The following CUX1 variants were observed in gnomAD, a reference collection of about 807,000 sequenced individuals.
CUX1 encodes the protein cut like homeobox 1, also known as protein CASP.
Under a neutral mutation model 158.8 loss-of-function variants are expected in CUX1, and 31 were observed. That is an observed-to-expected ratio of 0.20 (90% confidence interval 0.15 to 0.26). The LOEUF is 0.26. CUX1 is among the 10% of genes least tolerant of loss of function. CUX1 has a pLI of 1.00. For missense variants in CUX1, 1,589 were observed against 2,014.6 expected, an observed-to-expected ratio of 0.79 and a Z score of 4.04; for synonymous variants, 879 against 862.1, an observed-to-expected ratio of 1.02 and a Z score of -0.34.
At chr7:101,825,751 A>ATC (rs1244447631) in intron 1 of CUX1, among the ~76,000 whole-genome samples, 9 of 110,726 alleles carry the variant, frequency 8.1e-5, no homozygotes, top group Non-Finnish European at 7.6e-5. Context: ...CCTTAATGAA[A>ATC]TCTGTGTGTG....
chr7:101,970,273 T>A (rs1429191707), intron 2 of CUX1, among the ~76,000 whole-genome samples: 1 of 152,138 alleles, frequency 6.6e-6, no homozygotes, highest in Non-Finnish European at 1.5e-5. Context: ...AACAGACCTT[T>A]CATAGAGAAA....
chr7:102,183,817 T>C (rs1793373764), intron 11 of CUX1, among the ~76,000 whole-genome samples: 1 of 152,216 alleles, frequency 6.6e-6, no homozygotes, highest in Non-Finnish European at 1.5e-5. Flanking sequence ...AAAAGAGATA[T>C]TGTCACCTTG....
rs782181720 is a variant in CUX1 at position 102,234,284 on chromosome 7, TAGAC to T, written c.3622+47_3622+50del. The T allele has an allele frequency of 3.5e-6, 5 of 1,440,862 alleles. No homozygotes were observed. The African/African-American group carries it at 7.3e-5, about 21-fold the overall frequency. 89.3% of individuals were successfully genotyped at this position (1,440,862 alleles called of 1,614,324 possible). ...CCCGGGCCGGCTGCGTCCGCATTCA[TAGAC>T]AGGCTGTTTCTTTCAAATCTTTCAC... On this transcript the variant is annotated intron_variant, in intron 22 of 23. Transcript: ENST00000292535.
At chr7:101,930,415 A>G (rs1806157655) in intron 2 of CUX1, among the ~76,000 whole-genome samples, 1 of 152,322 alleles carries the variant, frequency 6.6e-6, no homozygotes, top group South Asian at 2.1e-4. Context: ...TATGTCAGTC[A>G]AGAAAATGAC....
At chr7:101,989,867 A>G (rs1814873369) in intron 2 of CUX1, among the ~76,000 whole-genome samples, 1 of 152,186 alleles carries the variant, frequency 6.6e-6, no homozygotes, top group Non-Finnish European at 1.5e-5. Flanking sequence ...AACCCGCCTG[A>G]TAGAAGACAC....
intron 2 of CUX1, among the ~76,000 whole-genome samples, chr7:101,946,505 C>T (rs1242223990): frequency 5.1e-5 from 7 of 137,430 alleles, no homozygotes; most frequent in Non-Finnish European, 9.2e-5. Context: ...GATCGTGCCA[C>T]TGCACTCAAG....
intron 1 of CUX1, among the ~76,000 whole-genome samples, chr7:101,843,939 A>G (rs1224570924): frequency 3.3e-5 from 5 of 152,162 alleles, no homozygotes; most frequent in African/African-American, 1.2e-4. Flanking sequence ...AAATAGAGCC[A>G]GACGGCCATT....
chr7:102,230,548 G>C (rs1554530322), intron 21 of CUX1, among the ~76,000 whole-genome samples: 1 of 151,358 alleles, frequency 6.6e-6, no homozygotes, highest in Non-Finnish European at 1.5e-5. Flanking sequence ...AGTTTGCTCA[G>C]TGATCTAACA....
intron 2 of CUX1, among the ~76,000 whole-genome samples, chr7:101,995,291 A>T (rs1815704951): frequency 6.6e-6 from 1 of 151,958 alleles, no homozygotes; most frequent in South Asian, 2.1e-4. Context: ...TGCCACGTGG[A>T]CTCCAGAAAA....
intron 3 of CUX1, among the ~76,000 whole-genome samples, chr7:102,045,965 T>G (rs984517036): frequency 6.6e-6 from 1 of 152,218 alleles, no homozygotes; most frequent in East Asian, 1.9e-4. Flanking sequence ...ATGGGGTTTC[T>G]GAATCTCCCA....
intron 4 of CUX1, among the ~76,000 whole-genome samples, chr7:102,079,092 C>A (rs1335935945): frequency 6.6e-6 from 1 of 152,172 alleles, no homozygotes; most frequent in East Asian, 1.9e-4. Flanking sequence ...ACTTCTTTCT[C>A]CACTGCCTGC....
intron 1 of CUX1, among the ~76,000 whole-genome samples, chr7:101,846,880 C>T (rs146432999): frequency 6.6e-6 from 1 of 152,078 alleles, no homozygotes; most frequent in Non-Finnish European, 1.5e-5. Context: ...TGCTGTAATC[C>T]CAGCACTTTG....
intron 20 of CUX1, among the ~76,000 whole-genome samples, chr7:102,226,340 A>G (rs1319671540): frequency 6.6e-6 from 1 of 152,194 alleles, no homozygotes; most frequent in Admixed American, 6.5e-5. Flanking sequence ...GAACTCTAAA[A>G]TGGAAGAGCT....
chr7:102,111,112 T>C lies in CUX1; in HGVS notation c.531-586T>C, dbSNP rs554574739. Among the ~76,000 whole-genome samples the C allele has an allele frequency of 3.0e-3, 460 of 151,438 alleles. 2 individuals are homozygous for C. Among genetic ancestry groups the C allele is most frequent in the Non-Finnish European group, 5.1e-3 (343 of 67,762 alleles). On this transcript the variant is annotated intron_variant, in intron 6 of 23. Transcript: ENST00000292535. ...TTATTTTTGGAGGGGTTTTTTTTTT[T>C]CCCCCAGATTAAGAGGAAGGAATGC...
At chr7:102,169,453 G>A (rs192713923) in intron 9 of CUX1, among the ~76,000 whole-genome samples, 50 of 152,304 alleles carry the variant, frequency 3.3e-4, no homozygotes, top group Non-Finnish European at 3.5e-4. Context: ...CTCAGCCCAC[G>A]TGTCCCATGT....
chr7:102,084,755 G>A (rs1212928209), intron 4 of CUX1, among the ~76,000 whole-genome samples: 1 of 115,206 alleles, frequency 8.7e-6, no homozygotes, highest in African/African-American at 2.6e-5. Context: ...TGGATGGAAT[G>A]TTCTGTAAAC....
At chr7:102,036,965 C>T (rs1325986052) in intron 3 of CUX1, among the ~76,000 whole-genome samples, 1 of 152,156 alleles carries the variant, frequency 6.6e-6, no homozygotes, top group Admixed American at 6.6e-5. Flanking sequence ...CTGAAGCAAG[C>T]AGTTCCCTTG....
In CUX1 at chr7:102,170,562, C is replaced by T. The variant is rs782634857; in HGVS notation, c.828+12C>T. 20 of 1,559,204 alleles carry T rather than the reference C, an allele frequency of 1.3e-5. No homozygotes were observed. Among genetic ancestry groups the T allele is most frequent in the East Asian group, 4.8e-5 (2 of 41,614 alleles). ...AGGCACCAGACGTGGTGGGTAGCCC[C>T]GGCCCCGTGGGGGACTGTCCCCGCC... On this transcript the variant is annotated intron_variant, in intron 10 of 23. Coordinates refer to ENST00000292535, the MANE Select transcript of CUX1 (RefSeq NM_181552.4).
chr7:101,889,672 T>C (rs891700539), intron 1 of CUX1, among the ~76,000 whole-genome samples: 4 of 152,190 alleles, frequency 2.6e-5, no homozygotes, highest in South Asian at 2.1e-4. Flanking sequence ...CTCAGGAGGC[T>C]GAGGCAGGAG....
Sources: allele counts gnomAD v4.1 joint callset (sites outside exome capture counted in the v4.1 genomes callset), GRCh38; gene constraint gnomAD v4.1.1; transcripts MANE v1.5; gene names NCBI Gene and HGNC (gene_info 2026-07-23, HGNC 2026-07-21).